The following ARSG variants were observed in gnomAD, a reference collection of about 807,000 sequenced individuals.
ARSG encodes ASG.
In ARSG, 37 loss-of-function variants were observed where a neutral mutation model predicts 50.5. The ratio of observed to expected loss-of-function variants is 0.73; its 90% CI spans 0.56 to 0.96. The LOEUF is 0.96. Among genes scored for constraint, ARSG ranks in the 50% least tolerant of loss-of-function variants. ARSG has a pLI of 0.00. For synonymous variants in ARSG, 225 were observed against 254.6 expected (o/e 0.88, Z 1.11); for missense variants, 629 against 675.3 (o/e 0.93, Z 0.76).
intron 1 of ARSG, among the ~76,000 whole-genome samples, chr17:68,261,108 G>C (rs2075065765): frequency 6.6e-6 from 1 of 152,176 alleles, no homozygotes; most frequent in African/African-American, 2.4e-5. Context: ...GTGTCCTATG[G>C]TTATCCAGCT....
intron 1 of ARSG, among the ~76,000 whole-genome samples, chr17:68,298,274 A>G (rs1053941957): frequency 6.6e-6 from 1 of 152,042 alleles, no homozygotes; most frequent in Admixed American, 6.6e-5. Flanking sequence ...CTTTAGGGGA[A>G]TCTGTCTTGG....
chr17:68,289,194 A>C (rs1178760430), upstream of ARSG, among the ~76,000 whole-genome samples: 3 of 152,158 alleles, frequency 2.0e-5, no homozygotes, highest in South Asian at 2.1e-4. Flanking sequence ...AAAAAATTAA[A>C]AAATGAGGTG....
chr17:68,276,351 AG>A (rs1291637072), intron 1 of ARSG, among the ~76,000 whole-genome samples: 1 of 152,224 alleles, frequency 6.6e-6, no homozygotes, highest in African/African-American at 2.4e-5. Context: ...CATTTAAAGA[AG>A]GGCTTTAATT....
At chr17:68,307,758 C>T (rs782266894) in intron 2 of ARSG, 47 bp downstream of exon 2, 1 of 1,069,438 alleles carries the variant, frequency 9.4e-7, no homozygotes, top group Non-Finnish European at 1.4e-6. Flanking sequence ...TGTCTTACTC[C>T]CGTTCTTGAG....
At chr17:68,309,367 C>T (rs932222859) in intron 2 of ARSG, among the ~76,000 whole-genome samples, 6 of 152,234 alleles carry the variant, frequency 3.9e-5, no homozygotes, top group Admixed American at 2.0e-4. Flanking sequence ...TACAGTGCAG[C>T]GGTGGGCTGA....
chr17:68,385,913 A>G (rs1186845872), intron 9 of ARSG, among the ~76,000 whole-genome samples: 2 of 152,094 alleles, frequency 1.3e-5, no homozygotes, highest in Non-Finnish European at 2.9e-5. Context: ...GAGGGTGGAG[A>G]AGAAAGGTGG....
At chr17:68,429,925 G>C in the ARSG span, 1 of 1,599,548 alleles carries the variant, frequency 6.3e-7, no homozygotes. Flanking sequence ...CAGGTTTGGG[G>C]ATTTTTGTGC....
At chr17:68,311,207 TTC>T (rs782353307) in intron 2 of ARSG, among the ~76,000 whole-genome samples, 9 of 152,190 alleles carry the variant, frequency 5.9e-5, no homozygotes, top group Non-Finnish European at 1.0e-4. Flanking sequence ...TTCTCCACTC[TTC>T]TCTCTTGCAG....
rs2080141977 is a variant in ARSG at position 68,376,275 on chromosome 17, GCA to G, written c.982+5752_982+5753del. Among the ~76,000 whole-genome samples the G allele has an allele frequency of 4.2e-5, 3 of 70,610 alleles. 1 individual carries two copies. Among genetic ancestry groups the G allele is most frequent in the African/African-American group, 7.6e-5 (1 of 13,162 alleles). The allele number at this position is 70,610 out of a possible 152,430, so 46.3% of individuals were successfully genotyped here. Reference sequence around the variant, plus strand: ...ACAGGAGTGTGCCACTGCGCCCCCTGCATTTTTTTTTTTTTTTCTGAGATAGG... The same window carrying G: ...ACAGGAGTGTGCCACTGCGCCCCCTGTTTTTTTTTTTTTTTCTGAGATAGG... On this transcript the variant is annotated intron_variant, in intron 8 of 11. Coordinates refer to ENST00000621439, the MANE Select transcript of ARSG (RefSeq NM_001267727.2).
At chr17:68,382,051 A>C (rs1337133330) in intron 8 of ARSG, among the ~76,000 whole-genome samples, 2 of 151,528 alleles carry the variant, frequency 1.3e-5, no homozygotes, top group Non-Finnish European at 2.9e-5. Flanking sequence ...CCCGGGTTCA[A>C]GTGATTCTCC....
chr17:68,356,453 C>G (rs2079036001), intron 5 of ARSG, among the ~76,000 whole-genome samples: 1 of 152,194 alleles, frequency 6.6e-6, no homozygotes, highest in Non-Finnish European at 1.5e-5. Context: ...ACAGAGTGGT[C>G]AGCTCGTCCA....
chr17:68,333,703 T>C (rs999033422), intron 2 of ARSG, among the ~76,000 whole-genome samples: 1 of 151,612 alleles, frequency 6.6e-6, no homozygotes, highest in African/African-American at 2.4e-5. Context: ...TTATAAGGAA[T>C]GTTTAGGAGT....
intron 2 of ARSG, 37 bp from the exon 3 acceptor site, chr17:68,343,567 G>A (rs758853037): frequency 7.2e-6 from 11 of 1,530,736 alleles, no homozygotes; most frequent in Non-Finnish European, 9.7e-6. Flanking sequence ...GGCTTCCTGT[G>A]GTTGGTGCGG....
intron 1 of ARSG, among the ~76,000 whole-genome samples, chr17:68,272,933 C>T (rs782548813): frequency 4.4e-4 from 66 of 151,672 alleles, no homozygotes; most frequent in Non-Finnish European, 7.9e-4. Flanking sequence ...AAATGGGTTT[C>T]ATTAACGGTC....
chr17:68,409,884 A>G (rs1260789191), intron 11 of ARSG, among the ~76,000 whole-genome samples: 1 of 149,468 alleles, frequency 6.7e-6, no homozygotes, highest in East Asian at 2.0e-4. Flanking sequence ...CTTTGAAGCA[A>G]TTGTGAATGG....
intron 1 of ARSG, among the ~76,000 whole-genome samples, chr17:68,300,485 A>C (rs2076371763): frequency 6.6e-6 from 1 of 152,232 alleles, no homozygotes; most frequent in African/African-American, 2.4e-5. Flanking sequence ...CCAGTGAGCG[A>C]ATTTCAGACA....
intron 8 of ARSG, among the ~76,000 whole-genome samples, chr17:68,377,262 G>T (rs1320010830): frequency 6.6e-6 from 1 of 152,174 alleles, no homozygotes; most frequent in Non-Finnish European, 1.5e-5. Flanking sequence ...CAATGGAGGG[G>T]TCCACATCCT....
At chr17:68,438,820 G>A in the ARSG span, among the ~76,000 whole-genome samples, 1 of 152,124 alleles carries the variant, frequency 6.6e-6, no homozygotes, top group Admixed American at 6.5e-5. Flanking sequence ...AGGCTGTCTC[G>A]AACTCGTGAC....
downstream of ARSG, chr17:68,426,211 G>T: frequency 1.5e-6 from 2 of 1,361,230 alleles, no homozygotes; most frequent in Non-Finnish European, 2.1e-6. Context: ...ACAAGCACTG[G>T]GGATCTGCTT....
Sources: gnomAD v4.1 joint callset for allele counts (sites outside exome capture counted in the v4.1 genomes callset) on GRCh38, gnomAD v4.1.1 for gene constraint, MANE v1.5 for transcripts, NCBI Gene and HGNC (gene_info 2026-07-23, HGNC 2026-07-21) for gene names.